Variants in RBFOX1 observed in about 807,000 individuals in gnomAD.
The protein encoded by RBFOX1 is RNA binding protein fox-1 homolog 1.
In RBFOX1, 8 loss-of-function variants were observed where a neutral mutation model predicts 57.7. That is an observed-to-expected ratio of 0.14 (90% CI 0.08 to 0.25). The LOEUF is 0.25. Ranked by LOEUF, RBFOX1 falls within the 10% of genes least tolerant of loss-of-function variation. The pLI is 1.00. For missense variants in RBFOX1, 611 were observed against 548.5 expected (o/e 1.11, Z -1.14); for synonymous variants, 326 against 222.4 (o/e 1.47, Z -4.15).
intron 3 of RBFOX1, among the ~76,000 whole-genome samples, chr16:6,971,453 C>A (rs918312975): frequency 6.6e-6 from 1 of 151,546 alleles, no homozygotes; most frequent in African/African-American, 2.4e-5. Flanking sequence ...TGGCAGGGGT[C>A]CCGCAGTGCA....
intron 4 of RBFOX1, among the ~76,000 whole-genome samples, chr16:7,298,265 T>C (rs1219731106): frequency 6.6e-6 from 1 of 151,542 alleles, no homozygotes; most frequent in East Asian, 1.9e-4. Flanking sequence ...TGTAGAAAAT[T>C]TGTGTATAGG....
At chr16:6,721,989 C>G (rs2154164791) in intron 3 of RBFOX1, 1 of 153,002 alleles carries the variant, frequency 6.5e-6, no homozygotes, top group Middle Eastern at 1.2e-3. Flanking sequence ...ATCTGTATTA[C>G]AGCATGTATC....
intron 1 of RBFOX1, among the ~76,000 whole-genome samples, chr16:5,276,345 C>G (rs150905635): frequency 6.6e-5 from 10 of 151,924 alleles, no homozygotes; most frequent in African/African-American, 1.9e-4. Flanking sequence ...AAAAATAATC[C>G]CATCAAAAAG....
chr16:6,929,241 GAGA>G (rs995082462), intron 3 of RBFOX1, among the ~76,000 whole-genome samples: 10 of 152,152 alleles, frequency 6.6e-5, no homozygotes, highest in African/African-American at 1.7e-4. Context: ...CTTTATGACA[GAGA>G]AGAAGAAGAT....
chr16:5,644,085 A>G (rs111595597), intron 3 of RBFOX1, among the ~76,000 whole-genome samples: 1,577 of 152,324 alleles, frequency 0.01, 29 homozygotes, highest in African/African-American at 0.036. Context: ...CAAATTTCAG[A>G]GCAGAATGAG....
intron 3 of RBFOX1, among the ~76,000 whole-genome samples, chr16:5,761,629 A>C (rs1229128405): frequency 1.3e-5 from 2 of 152,182 alleles, no homozygotes; most frequent in African/African-American, 4.8e-5. Context: ...TATCACAAGA[A>C]CAACATGAGG....
At chr16:7,358,633 T>G (rs2097262452) in intron 4 of RBFOX1, among the ~76,000 whole-genome samples, 1 of 152,200 alleles carries the variant, frequency 6.6e-6, no homozygotes, top group Middle Eastern at 3.2e-3. Flanking sequence ...TTGGCCAAGC[T>G]GGTCTCAAAC....
In RBFOX1 at chr16:6,846,817, CT is replaced by C. The variant is rs201139052; in HGVS notation, c.-16+192170del. 7.1e-3 allele frequency among the ~76,000 whole-genome samples: 1,074 copies of C among 151,798 alleles called. 11 individuals carry two copies. The highest frequency in any genetic ancestry group is 0.025 in the African/African-American group (1,014 of 41,340). ...TTATTTATTCATTTGTAAGCAGCTGCTTTAATAAGCCTACAGGATCTTGGAT... is the reference window on the plus strand; with the variant it reads ...TTATTTATTCATTTGTAAGCAGCTGCTTAATAAGCCTACAGGATCTTGGAT... On this transcript the variant is annotated intron_variant, in intron 3 of 15. Transcript: ENST00000550418.
chr16:6,865,755 TTTG>T (rs1370781080), intron 3 of RBFOX1, among the ~76,000 whole-genome samples: 2 of 152,212 alleles, frequency 1.3e-5, no homozygotes, highest in Admixed American at 6.5e-5. Context: ...AATAGGTTTA[TTTG>T]TTGTTATTTT....
chr16:6,323,947 A>G (rs535083793), intron 2 of RBFOX1, among the ~76,000 whole-genome samples: 1 of 152,094 alleles, frequency 6.6e-6, no homozygotes, highest in African/African-American at 2.4e-5. Flanking sequence ...TAGTGTTTGT[A>G]TTTTTAGTAG....
At chr16:6,324,101 C>T (rs28634171) in intron 2 of RBFOX1, among the ~76,000 whole-genome samples, 1 of 152,088 alleles carries the variant, frequency 6.6e-6, no homozygotes, top group Non-Finnish European at 1.5e-5. Context: ...TAACCATCAC[C>T]TTAATAGTAT....
intron 4 of RBFOX1, among the ~76,000 whole-genome samples, chr16:7,376,074 A>C (rs1486760515): frequency 6.6e-6 from 1 of 152,202 alleles, no homozygotes; most frequent in Non-Finnish European, 1.5e-5. Flanking sequence ...GTACATTGTA[A>C]AAAAGGGAGT....
chr16:6,815,440 G>A (rs990099314), intron 3 of RBFOX1, among the ~76,000 whole-genome samples: 1 of 152,106 alleles, frequency 6.6e-6, no homozygotes, highest in Admixed American at 6.5e-5. Context: ...AGTCACTCTG[G>A]TTCAAACACC....
intron 4 of RBFOX1, among the ~76,000 whole-genome samples, chr16:7,219,836 C>T (rs962549556): frequency 1.3e-5 from 2 of 152,100 alleles, no homozygotes; most frequent in East Asian, 3.9e-4. Context: ...CAAAGGATTT[C>T]CCATTGTTTC....
chr16:7,682,150 C>A (rs74447164), intron 14 of RBFOX1, among the ~76,000 whole-genome samples: 2 of 152,140 alleles, frequency 1.3e-5, no homozygotes, highest in African/African-American at 4.8e-5. Context: ...AGAACAATAG[C>A]AAACGGTAGT....
intron 4 of RBFOX1, among the ~76,000 whole-genome samples, chr16:5,898,374 G>A (rs2058218219): frequency 6.6e-6 from 1 of 152,130 alleles, no homozygotes; most frequent in South Asian, 2.1e-4. Flanking sequence ...CTGAGAAGTA[G>A]GGAGGACATG....
intron 4 of RBFOX1, among the ~76,000 whole-genome samples, chr16:7,218,540 T>A (rs909205145): frequency 3.3e-5 from 5 of 151,916 alleles, no homozygotes; most frequent in African/African-American, 1.2e-4. Context: ...GCATTCACAG[T>A]AATTGAGCTG....
chr16:7,693,507 G>A (rs2077870009), intron 14 of RBFOX1: 2 of 656,230 alleles, frequency 3.0e-6, no homozygotes, highest in Admixed American at 2.9e-5. Context: ...TATATCTTTG[G>A]AGTACAGCTG....
chr16:5,608,062 A>G (rs1274918946), intron 3 of RBFOX1, among the ~76,000 whole-genome samples: 1 of 152,208 alleles, frequency 6.6e-6, no homozygotes, highest in Non-Finnish European at 1.5e-5. Flanking sequence ...GAATAGGCAC[A>G]TGTTTAATTT....
Sources: gnomAD v4.1 joint callset for allele counts (sites outside exome capture counted in the v4.1 genomes callset) on GRCh38, gnomAD v4.1.1 for gene constraint, MANE v1.5 for transcripts, NCBI Gene and HGNC (gene_info 2026-07-23, HGNC 2026-07-21) for gene names.